The following ZFYVE27 variants were observed in gnomAD, a reference collection of about 807,000 sequenced individuals.
ZFYVE27 encodes the protein zinc finger FYVE-type containing 27, also known as protrudin.
ZFYVE27 carries 36 observed loss-of-function variants against 52.8 expected under a neutral mutation model. The ratio of observed to expected loss-of-function variants is 0.68; its 90% CI spans 0.52 to 0.90. The LOEUF is 0.90. Among genes scored for constraint, ZFYVE27 ranks in the 40% least tolerant of loss-of-function variants. The pLI is 0.00. For missense variants in ZFYVE27, 450 were observed against 527.2 expected (o/e 0.85, Z 1.43); for synonymous variants, 223 against 215.6 (o/e 1.03, Z -0.30).
rs546942094 is a variant in ZFYVE27 at position 97,739,735 on chromosome 10, C to CA, written c.197+1063dup. On this transcript the variant is annotated intron_variant, in intron 2 of 12. Coordinates refer to ENST00000684270, the MANE Select transcript of ZFYVE27 (RefSeq NM_001385875.1). ...TTTTAAGTCTTTTTTCAGTCTAAGACAATCTCTCTCGTGACATTGATTTGC... is the reference window on the plus strand; with the variant it reads ...TTTTAAGTCTTTTTTCAGTCTAAGACAAATCTCTCTCGTGACATTGATTTGC... Among the ~76,000 whole-genome samples the CA allele has an allele frequency of 1.5e-3, 225 of 152,226 alleles. 4 individuals carry two copies. The highest frequency in any genetic ancestry group is 5.0e-3 in the Admixed American group (77 of 15,294).
intron 1 of ZFYVE27, among the ~76,000 whole-genome samples, chr10:97,737,806 C>G (rs540463047): frequency 1.3e-5 from 2 of 152,316 alleles, no homozygotes; most frequent in African/African-American, 4.8e-5. Context: ...TGCCGACTGC[C>G]CTGGGGCAGA....
intron 3 of ZFYVE27, among the ~76,000 whole-genome samples, chr10:97,744,131 C>T (rs1186278784): frequency 1.3e-5 from 2 of 152,204 alleles, no homozygotes; most frequent in Non-Finnish European, 2.9e-5. Flanking sequence ...TCTATATATG[C>T]TCCCAAAGTA....
Position 97,753,199 on chromosome 10 carries a change from G to A in ZFYVE27, c.1042+17G>A, listed in dbSNP as rs1564830673. The A allele has an allele frequency of 6.2e-7, 1 of 1,606,784 alleles. No individual in the cohort carries two copies. The highest frequency in any genetic ancestry group is 1.7e-5 in the Admixed American group (1 of 59,210). On this transcript the variant is annotated intron_variant, in intron 10 of 12. Transcript: ENST00000684270. Reference sequence around the variant, plus strand: ...ACAACTTCGGTGCGGCCAGGGGACAGGGCTGGGCTGGTGGGGGAGTGGGGG... The same window carrying A: ...ACAACTTCGGTGCGGCCAGGGGACAAGGCTGGGCTGGTGGGGGAGTGGGGG...
At chr10:97,742,071 A>G (rs1022013383) in intron 2 of ZFYVE27, among the ~76,000 whole-genome samples, 2 of 150,408 alleles carry the variant, frequency 1.3e-5, no homozygotes, top group Non-Finnish European at 3.0e-5. Flanking sequence ...CGGGGGTTGT[A>G]GTGAACCAAG....
In ZFYVE27 at chr10:97,759,518, G is replaced by C; in HGVS notation, c.*218G>C. On this transcript the variant is annotated 3_prime_UTR_variant, in exon 13 of 13. Transcript: ENST00000684270. Reference sequence around the variant, plus strand: ...TGGCTGCTCTCAATCCCTTGAGGGAGAAGAGCCCCTGGAGGGCCTGGCATG... The same window carrying C: ...TGGCTGCTCTCAATCCCTTGAGGGACAAGAGCCCCTGGAGGGCCTGGCATG... 4 of 628,810 alleles carry C rather than the reference G, an allele frequency of 6.4e-6. No individual in the cohort carries two copies. The highest frequency in any genetic ancestry group is 4.5e-5 in the Admixed American group (2 of 44,702). The allele number at this position is 628,810 out of a possible 1,614,324, so 39.0% of individuals were successfully genotyped here.
intron 3 of ZFYVE27, 101 bp from the exon 4 acceptor site, chr10:97,744,627 GC>G (rs1374383270): frequency 7.1e-7 from 1 of 1,406,210 alleles, no homozygotes; most frequent in Admixed American, 1.9e-5. Context: ...GGCCTGACTG[GC>G]AGAGCCCTGG....
At chr10:97,752,233 CTTTA>C (rs879777931) in intron 8 of ZFYVE27, among the ~76,000 whole-genome samples, 1 of 152,200 alleles carries the variant, frequency 6.6e-6, no homozygotes, top group Non-Finnish European at 1.5e-5. Flanking sequence ...TATCATTTCT[CTTTA>C]TTTATTTCTC....
At position 97,754,268 on chromosome 10, in the gene ZFYVE27, CTCTT is replaced by C. The variant is rs535046029; in HGVS notation, c.1042+1094_1042+1097del. Among the ~76,000 whole-genome samples the C allele has an allele frequency of 1.2e-3, 181 of 151,652 alleles. 9 individuals carry two copies. In the South Asian group the frequency reaches 0.038, roughly 31 times the overall value. On this transcript the variant is annotated intron_variant, in intron 10 of 12. Coordinates refer to ENST00000684270, the MANE Select transcript of ZFYVE27 (RefSeq NM_001385875.1). ...CTCAGGATTAGATGTCCTGGACAGG[CTCTT>C]TCTTTCTGCTGTGTGAATGTCCCCC...
At chr10:97,753,552 A>C (rs1475513569) in intron 10 of ZFYVE27, among the ~76,000 whole-genome samples, 1 of 152,108 alleles carries the variant, frequency 6.6e-6, no homozygotes, top group African/African-American at 2.4e-5. Flanking sequence ...GCCTGCTGCA[A>C]ATCCCAGCTC....
At chr10:97,746,687 CTT>C (rs777562975) in intron 4 of ZFYVE27, among the ~76,000 whole-genome samples, 11 of 142,530 alleles carry the variant, frequency 7.7e-5, no homozygotes, top group Admixed American at 2.1e-4. Flanking sequence ...TTCCTTTTTT[CTT>C]TTTTTTTTTT....
chr10:97,741,250 T>A (rs1206903226), intron 2 of ZFYVE27, among the ~76,000 whole-genome samples: 1 of 152,166 alleles, frequency 6.6e-6, no homozygotes, highest in Non-Finnish European at 1.5e-5. Flanking sequence ...TACCCAGCAA[T>A]CCCATTACTG....
In ZFYVE27 at chr10:97,749,510, G is replaced by A; in HGVS notation, c.588G>A (p.Leu196=). The A allele has an allele frequency of 6.2e-7, 1 of 1,614,186 alleles. No individual in the cohort carries two copies. The highest frequency in any genetic ancestry group is 8.5e-7 in the Non-Finnish European group (1 of 1,180,024). The change falls in exon 6 of 13, where the codon CTG becomes CTA. Residue 196 remains leucine (L), a synonymous_variant. Transcript: ENST00000684270. The stretch of plus-strand genomic sequence containing the variant: ...CTCTTCTGGGCACAGTCTGCATGCT[G>A]TATTTGCTGCCACTCTGCTGGGTTC... ...YGALLGTVCM[L]YLLPLCWVLT...
At chr10:97,738,745 AC>A in intron 2 of ZFYVE27, 71 bp downstream of exon 2, 1 of 1,558,004 alleles carries the variant, frequency 6.4e-7, no homozygotes, top group Non-Finnish European at 8.9e-7. Context: ...ACTAACACTG[AC>A]CATTTAGGCA....
intron 4 of ZFYVE27, 132 bp downstream of exon 4, chr10:97,745,047 TC>T (rs1293807591): frequency 9.2e-7 from 1 of 1,083,224 alleles, no homozygotes; most frequent in Admixed American, 2.1e-5. Flanking sequence ...TTTTAACAGT[TC>T]CGGGAGGTAG....
At chr10:97,744,084 C>T (rs1434597536) in intron 3 of ZFYVE27, among the ~76,000 whole-genome samples, 1 of 152,188 alleles carries the variant, frequency 6.6e-6, no homozygotes, top group Non-Finnish European at 1.5e-5. Context: ...TTGGACTCAT[C>T]TTTACCTGTT....
chr10:97,756,174 G>C (rs1043416369), intron 10 of ZFYVE27, among the ~76,000 whole-genome samples: 7 of 152,174 alleles, frequency 4.6e-5, no homozygotes, highest in African/African-American at 1.7e-4. Context: ...GGGGCAGGCT[G>C]CCTTCCCCAA....
At position 97,738,473 on chromosome 10, in the gene ZFYVE27, A is replaced by G. The variant is rs2042710985; in HGVS notation, c.-1-4A>G. 1 of 1,613,866 alleles carries G rather than the reference A, an allele frequency of 6.2e-7. No homozygotes were observed. Among genetic ancestry groups the G allele is most frequent in the Non-Finnish European group, 8.5e-7 (1 of 1,180,002 alleles). The stretch of plus-strand genomic sequence containing the variant: ...GCAAATGTTGGGAATTATTATGGTT[A>G]CAGGATGCAGACATCAGAACGTGAG... On this transcript the variant is annotated splice_polypyrimidine_tract_variant and splice_region_variant and intron_variant, in intron 1 of 12. Transcript: ENST00000684270.
chr10:97,753,112 T>C lies in ZFYVE27; in HGVS notation c.972T>C (p.Asn324=), dbSNP rs776595676. Residue 324 remains asparagine, a synonymous_variant, in exon 10 of 13, where the codon AAT becomes AAC. Coordinates refer to ENST00000684270, the MANE Select transcript of ZFYVE27 (RefSeq NM_001385875.1). ...ALQDNGFLSK[N]EVLRSKVSRL... ...AGGACAACGGGTTCCTGAGCAAGAA[T>C]GAGGTGCTGCGCAGCAAGGTGTCTC... The C allele has an allele frequency of 6.2e-6, 10 of 1,611,876 alleles. No homozygotes were observed. In the Admixed American group the frequency reaches 1.3e-4, roughly 22 times the overall value.
Position 97,752,874 on chromosome 10 carries a change from G to T in ZFYVE27, c.894G>T (p.Val298=), listed in dbSNP as rs1301610681. The T allele has an allele frequency of 6.2e-7, 1 of 1,613,930 alleles. No homozygotes were observed. Among genetic ancestry groups the T allele is most frequent in the Non-Finnish European group, 8.5e-7 (1 of 1,179,968 alleles). The change falls in exon 9 of 13, where the codon GTG becomes GTT. Residue 298 remains valine, a synonymous_variant. Transcript: ENST00000684270. ...GGAGGCAGGAGACCCACTTGGTGGTGCTGGTAAGTGGAAGCCTTGGTGGGT... is the reference window on the plus strand; with the variant it reads ...GGAGGCAGGAGACCCACTTGGTGGTTCTGGTAAGTGGAAGCCTTGGTGGGT... The part of the protein sequence containing the change: ...KDAIEETHLV[V]LEDDEGAPCP...
Sources: gnomAD v4.1 joint callset for allele counts (sites outside exome capture counted in the v4.1 genomes callset) on GRCh38, gnomAD v4.1.1 for gene constraint, MANE v1.5 for transcripts, NCBI Gene and HGNC (gene_info 2026-07-23, HGNC 2026-07-21) for gene names.